Variants in UMODL1 observed in about 807,000 individuals in gnomAD.
The protein encoded by UMODL1 is uromodulin-like 1.
A neutral mutation model predicts 136.3 loss-of-function variants in UMODL1; 128 were observed. The observed-to-expected ratio is 0.94, with a 90% confidence interval of 0.81 to 1.09. The LOEUF is 1.09. Ranked by LOEUF, UMODL1 falls within the 50% of genes least tolerant of loss-of-function variation. UMODL1 has a pLI of 0.00. For synonymous variants in UMODL1, 721 were observed against 720.0 expected (o/e 1.00, Z -0.02); for missense variants, 1,766 against 1,725.6 (o/e 1.02, Z -0.41).
chr21:42,066,364 C>G (rs1053091635), upstream of UMODL1, among the ~76,000 whole-genome samples: 6 of 152,212 alleles, frequency 3.9e-5, no homozygotes, highest in African/African-American at 1.4e-4. Context: ...CTCACTGCAA[C>G]CTCCACCTCC....
intron 1 of UMODL1, among the ~76,000 whole-genome samples, chr21:42,074,858 G>A (rs2066269373): frequency 6.6e-6 from 1 of 151,890 alleles, no homozygotes; most frequent in Non-Finnish European, 1.5e-5. Flanking sequence ...CTGAGTAGCT[G>A]GGATTACAGG....
chr21:42,104,001 T>A lies in UMODL1; in HGVS notation c.1433T>A (p.Met478Lys), dbSNP rs371045671. ...KLTVQDPGFP[M>K]GISTLAPILQ... ...ACCGTGCAGGACCCCGGGTTTCCCA[T>A]GGGCATCTCCACGCTGGCCCCCATA... Residue 478 changes from methionine to lysine, a missense_variant, in exon 9 of 23, where the codon ATG (methionine) becomes AAG (lysine). Coordinates refer to ENST00000408910, the MANE Select transcript of UMODL1 (RefSeq NM_001004416.3). 6.2e-7 allele frequency: 1 copy of A among 1,614,018 alleles called. No homozygotes were observed. The highest frequency in any genetic ancestry group is 8.5e-7 in the Non-Finnish European group (1 of 1,180,034).
chr21:42,106,231 G>T (rs114967107), intron 9 of UMODL1, among the ~76,000 whole-genome samples: 1 of 152,180 alleles, frequency 6.6e-6, no homozygotes, highest in Non-Finnish European at 1.5e-5. Flanking sequence ...GAGGCAGCAC[G>T]AGGCCTGAGC....
At position 42,099,253 on chromosome 21, in the gene UMODL1, T is replaced by C; in HGVS notation, c.1186+73T>C. Reference sequence around the variant, plus strand: ...CTATCCCAGGTCTGTGGCCCTAGCATGTCGCGTTCTTCTTCCTATAACCAG... The same window carrying C: ...CTATCCCAGGTCTGTGGCCCTAGCACGTCGCGTTCTTCTTCCTATAACCAG... On this transcript the variant is annotated intron_variant, in intron 7 of 22. Transcript: ENST00000408910. This position sits in a 1 kb window ranked among gnomAD's most constrained non-coding sequence, Gnocchi z 4.1. The C allele has an allele frequency of 6.4e-7, 1 of 1,557,554 alleles. No homozygotes were observed. Among genetic ancestry groups the C allele is most frequent in the South Asian group, 1.2e-5 (1 of 82,632 alleles).
rs776640121 is a variant in UMODL1, at chr21:42,104,103, C to T, written c.1519+16C>T. ...CGCGTGCAAGGTATGGCCCAGCCACCCGCCCTGCTGCCTGGTGTCCTCCAG... is the reference window on the plus strand; with the variant it reads ...CGCGTGCAAGGTATGGCCCAGCCACTCGCCCTGCTGCCTGGTGTCCTCCAG... On this transcript the variant is annotated intron_variant, in intron 9 of 22. Coordinates refer to ENST00000408910, the MANE Select transcript of UMODL1 (RefSeq NM_001004416.3). 2 of 1,595,476 alleles carry T rather than the reference C, an allele frequency of 1.3e-6. No homozygotes were observed. Among genetic ancestry groups the T allele is most frequent in the Non-Finnish European group, 1.7e-6 (2 of 1,167,392 alleles).
chr21:42,135,628 C>T (rs991959722), intron 21 of UMODL1, among the ~76,000 whole-genome samples: 6 of 152,230 alleles, frequency 3.9e-5, no homozygotes, highest in Non-Finnish European at 8.8e-5. Flanking sequence ...AGGTCCACTA[C>T]AGAGCCCCTG....
chr21:42,088,482 T>C lies in UMODL1; in HGVS notation c.790+2T>C. 5 of 1,592,310 alleles carry C rather than the reference T, an allele frequency of 3.1e-6. No homozygotes were observed. Among genetic ancestry groups the C allele is most frequent in the Non-Finnish European group, 4.3e-6 (5 of 1,162,564 alleles). On this transcript the variant is annotated splice_donor_variant, in intron 5 of 22. Coordinates refer to ENST00000408910, the MANE Select transcript of UMODL1 (RefSeq NM_001004416.3). LOFTEE classifies it high-confidence loss of function. ...AAGTGATCAGCGTCCAGGTGCAAGG[T>C]TGGGCTTCCCTCAATCCTCCCTCTG...
At chr21:42,111,156 A>C in intron 11 of UMODL1, 35 bp downstream of exon 11, 2 of 1,588,944 alleles carry the variant, frequency 1.3e-6, no homozygotes, top group Non-Finnish European at 8.6e-7. Context: ...GGGATGGACC[A>C]GGGGAGCCCC....
intron 19 of UMODL1, 138 bp from the exon 20 acceptor site, chr21:42,127,534 G>T: frequency 9.3e-7 from 1 of 1,075,818 alleles, no homozygotes; most frequent in Non-Finnish European, 1.3e-6. Context: ...GGGAACAAAT[G>T]AGGTGCCCGG....
At position 42,123,192 on chromosome 21, in the gene UMODL1, C is replaced by A; in HGVS notation, c.3147+42C>A. On this transcript the variant is annotated intron_variant, in intron 17 of 22. Coordinates refer to ENST00000408910, the MANE Select transcript of UMODL1 (RefSeq NM_001004416.3). The surrounding 1 kb of genome is among the most constrained non-coding windows in gnomAD (Gnocchi z 4.4). ...CAGGCTCAGGATGTACACTAGGGCG[C>A]AAGGGGCTCTAGGTTACATGGGCCT... 6.4e-7 allele frequency: 1 copy of A among 1,570,224 alleles called. No individual in the cohort carries two copies. Among genetic ancestry groups the A allele is most frequent in the Non-Finnish European group, 8.7e-7 (1 of 1,155,034 alleles).
In UMODL1 at chr21:42,090,322, A is replaced by C; in HGVS notation, c.815A>C (p.Glu272Ala). ...VQDVNECFYE[E>A]LNACSGRELC... The stretch of plus-strand genomic sequence containing the variant: ...GATGTCAATGAGTGTTTCTATGAGG[A>C]GCTCAATGCCTGCTCTGGAAGGGAA... Residue 272 changes from glutamate to alanine, a missense_variant, in exon 6 of 23, where the codon GAG (glutamate) becomes GCG (alanine). Glu to Ala is a moderately radical substitution (Grantham distance 107). Transcript: ENST00000408910. The C allele has an allele frequency of 1.2e-6, 2 of 1,614,108 alleles. No homozygotes were observed. The highest frequency in any genetic ancestry group is 1.7e-6 in the Non-Finnish European group (2 of 1,180,024).
At chr21:42,066,046 G>A (rs1179403147) in intron 1 of UMODL1, among the ~76,000 whole-genome samples, 4 of 152,190 alleles carry the variant, frequency 2.6e-5, no homozygotes, top group African/African-American at 7.2e-5. Flanking sequence ...ATTCCTGATC[G>A]TGGTGCTAAT....
chr21:42,102,413 G>C (rs1200037681), intron 8 of UMODL1, 135 bp downstream of exon 8: 1 of 632,394 alleles, frequency 1.6e-6, no homozygotes, highest in Non-Finnish European at 2.7e-6. Flanking sequence ...TTCAGGGGAG[G>C]CCAAACCCAA....
At chr21:42,121,021 C>T in intron 15 of UMODL1, 66 bp from the exon 16 acceptor site, 1 of 1,556,492 alleles carries the variant, frequency 6.4e-7, no homozygotes, top group Non-Finnish European at 8.7e-7. Context: ...CTCCCCCAAC[C>T]AGGCTGCTGT....
At chr21:42,073,680 G>A (rs2066256756) in intron 1 of UMODL1, among the ~76,000 whole-genome samples, 1 of 152,176 alleles carries the variant, frequency 6.6e-6, no homozygotes, top group Non-Finnish European at 1.5e-5. Context: ...AGCCCCTGGA[G>A]TCCTGCTTTC....
intron 21 of UMODL1, 27 bp downstream of exon 21, chr21:42,129,824 T>A: frequency 6.7e-7 from 1 of 1,502,018 alleles, no homozygotes; most frequent in Non-Finnish European, 8.9e-7. Flanking sequence ...GTTTAGACAA[T>A]GAAAGAAAAG....
intron 9 of UMODL1, among the ~76,000 whole-genome samples, chr21:42,105,351 C>T (rs1279236000): frequency 1.3e-5 from 2 of 152,168 alleles, no homozygotes; most frequent in East Asian, 1.9e-4. Flanking sequence ...CCAGCCCGCC[C>T]TCCACACCTC....
intron 6 of UMODL1, among the ~76,000 whole-genome samples, chr21:42,091,782 T>C (rs1379378189): frequency 4.6e-5 from 7 of 152,130 alleles, no homozygotes; most frequent in Non-Finnish European, 1.0e-4. Context: ...AGGATGCTGA[T>C]TGAGTTGGAC....
At position 42,119,308 on chromosome 21, in the gene UMODL1, C is replaced by T. The variant is rs1220853813; in HGVS notation, c.2673C>T (p.Gly891=). The part of the protein sequence containing the change: ...QTVPLLEVIR[G]DTFIQDYDEC... ...TGCCTCTGCTGGAGGTGATCAGAGG[C>T]GACACCTTCATACAGGGTACGAGAG... Residue 891 remains glycine (G), a synonymous_variant, in exon 15 of 23, where the codon GGC becomes GGT. Transcript: ENST00000408910. 3 of 1,614,000 alleles carry T rather than the reference C, an allele frequency of 1.9e-6. No homozygotes were observed. Among genetic ancestry groups the T allele is most frequent in the South Asian group, 2.2e-5 (2 of 91,076 alleles).
Sources: gnomAD v4.1 joint callset for allele counts (sites outside exome capture counted in the v4.1 genomes callset) on GRCh38, gnomAD v4.1.1 for gene constraint, Gnocchi (gnomAD v3.1) non-coding constraint, MANE v1.5 for transcripts, NCBI Gene and HGNC (gene_info 2026-07-23, HGNC 2026-07-21) for gene names.